The following SLC24A2 variants were observed in gnomAD, a reference collection of about 807,000 sequenced individuals.
SLC24A2 encodes the protein solute carrier family 24 member 2.
SLC24A2 carries 36 observed loss-of-function variants against 62.0 expected under a neutral mutation model. The observed-to-expected ratio is 0.58, with a 90% CI of 0.44 to 0.77. The LOEUF (loss-of-function observed/expected upper bound fraction) is 0.77, where lower values mean the gene tolerates loss of function less well. Among genes scored for constraint, SLC24A2 ranks in the 30% least tolerant of loss-of-function variants. The pLI is 0.00. For synonymous variants in SLC24A2, 358 were observed against 294.0 expected, an observed-to-expected ratio of 1.22 and a Z score of -2.23; for missense variants, 846 against 817.9, an observed-to-expected ratio of 1.03 and a Z score of -0.42.
At chr9:20,205,124 C>T in the SLC24A2 span, among the ~76,000 whole-genome samples, 1 of 152,140 alleles carries the variant, frequency 6.6e-6, no homozygotes, top group African/African-American at 2.4e-5. Flanking sequence ...TAAAAGAATT[C>T]ACAGCATTGC....
the SLC24A2 span, among the ~76,000 whole-genome samples, chr9:20,116,524 G>T: frequency 6.6e-6 from 1 of 152,120 alleles, no homozygotes; most frequent in East Asian, 1.9e-4. Flanking sequence ...TCTCCAATGG[G>T]CTTTCATAGC....
At chr9:19,533,946 T>C (rs1440307741) in intron 8 of SLC24A2, among the ~76,000 whole-genome samples, 2 of 152,218 alleles carry the variant, frequency 1.3e-5, no homozygotes, top group Non-Finnish European at 2.9e-5. Context: ...ACCAATATGC[T>C]TTGTGAATAA....
Position 19,599,369 on chromosome 9 carries a change from C to T in SLC24A2, c.1079-2090G>A, listed in dbSNP as rs904712626. ...TAGGCAGAACATAACAAAAATGAGT[C>T]TAATGATGGTGGAAGAGAAGGAAGA... On this transcript the variant is annotated intron_variant, in intron 4 of 10. Transcript: ENST00000341998. This position sits in a 1 kb window ranked among gnomAD's most constrained non-coding sequence, Gnocchi z 4.5. Among the ~76,000 whole-genome samples, 4 of 151,984 alleles carry T rather than the reference C, an allele frequency of 2.6e-5. No homozygotes were observed. The highest frequency in any genetic ancestry group is 9.7e-5 in the African/African-American group (4 of 41,376).
At chr9:20,163,719 T>C in the SLC24A2 span, among the ~76,000 whole-genome samples, 1 of 152,128 alleles carries the variant, frequency 6.6e-6, no homozygotes, top group Non-Finnish European at 1.5e-5. Context: ...TCATGCTACC[T>C]GACTTCAAAC....
At chr9:19,977,074 A>ACATCTTTG in the SLC24A2 span, among the ~76,000 whole-genome samples, 1 of 151,904 alleles carries the variant, frequency 6.6e-6, no homozygotes, top group Non-Finnish European at 1.5e-5. Context: ...AGTTTTTGTG[A>ACATCTTTG]CATCTTTGAA....
At chr9:20,235,723 A>C in the SLC24A2 span, among the ~76,000 whole-genome samples, 4 of 152,090 alleles carry the variant, frequency 2.6e-5, no homozygotes, top group Admixed American at 2.0e-4. Flanking sequence ...CACACGGTGT[A>C]CTGCACCCAC....
chr9:19,842,452 C>A, the SLC24A2 span, among the ~76,000 whole-genome samples: 3 of 152,140 alleles, frequency 2.0e-5, no homozygotes, highest in East Asian at 5.8e-4. Flanking sequence ...ACGATTTATG[C>A]TTTGAATCAG....
the SLC24A2 span, among the ~76,000 whole-genome samples, chr9:20,153,494 C>A: frequency 6.6e-6 from 1 of 152,038 alleles, no homozygotes; most frequent in African/African-American, 2.4e-5. Flanking sequence ...TCTTTAATTT[C>A]TCTGACCTAG....
the SLC24A2 span, among the ~76,000 whole-genome samples, chr9:19,820,846 A>G: frequency 3.3e-5 from 5 of 152,096 alleles, no homozygotes; most frequent in Admixed American, 2.0e-4. Flanking sequence ...ACATGTTCTC[A>G]GCATATTCCC....
At chr9:19,888,688 G>T in the SLC24A2 span, among the ~76,000 whole-genome samples, 2 of 152,052 alleles carry the variant, frequency 1.3e-5, no homozygotes, top group Admixed American at 6.6e-5. Context: ...ATGATCCTAG[G>T]GGTGTCAGGG....
intron 7 of SLC24A2, among the ~76,000 whole-genome samples, chr9:19,556,508 T>G (rs1388975932): frequency 6.6e-6 from 1 of 152,120 alleles, no homozygotes; most frequent in African/African-American, 2.4e-5. Flanking sequence ...CTAATTCAAG[T>G]TCAGTTTTAT....
At chr9:20,218,586 G>A in the SLC24A2 span, among the ~76,000 whole-genome samples, 1 of 152,062 alleles carries the variant, frequency 6.6e-6, no homozygotes, top group African/African-American at 2.4e-5. Flanking sequence ...TTTATAACAG[G>A]GTAATTGTTG....
the SLC24A2 span, among the ~76,000 whole-genome samples, chr9:19,796,321 C>T: frequency 6.6e-6 from 1 of 152,110 alleles, no homozygotes; most frequent in Non-Finnish European, 1.5e-5. Context: ...CCCAAACTCT[C>T]TGATATAACT....
At chr9:19,716,261 C>A (rs77272963) in intron 2 of SLC24A2, among the ~76,000 whole-genome samples, 2,993 of 152,258 alleles carry the variant, frequency 0.02, 97 homozygotes, top group African/African-American at 0.068. Flanking sequence ...TCACAGTATT[C>A]TACAGTCAAA....
the SLC24A2 span, among the ~76,000 whole-genome samples, chr9:20,083,699 A>C: frequency 6.6e-6 from 1 of 152,202 alleles, no homozygotes; most frequent in Non-Finnish European, 1.5e-5. Flanking sequence ...GTGGCCAGAG[A>C]AAAAAATAAA....
At chr9:20,067,948 A>C in the SLC24A2 span, among the ~76,000 whole-genome samples, 1 of 152,086 alleles carries the variant, frequency 6.6e-6, no homozygotes, top group Non-Finnish European at 1.5e-5. Context: ...TTCTTTGAGA[A>C]ATTTTCAAAC....
At chr9:19,963,634 G>T in the SLC24A2 span, among the ~76,000 whole-genome samples, 1 of 152,166 alleles carries the variant, frequency 6.6e-6, no homozygotes, top group South Asian at 2.1e-4. Flanking sequence ...ACCATCACTG[G>T]CCATCAGAGA....
the SLC24A2 span, among the ~76,000 whole-genome samples, chr9:19,907,159 A>G: frequency 2.0e-5 from 3 of 152,248 alleles, no homozygotes; most frequent in African/African-American, 4.8e-5. Flanking sequence ...CTGGGATGCA[A>G]GGCTGGTTCA....
chr9:19,708,475 T>C lies in SLC24A2; in HGVS notation c.930+77462A>G, dbSNP rs186809581. ...CAACCCCAAGTCAAAAGAACAAAGC[T>C]GGAGCCATCACGCTACCTGACTTCA... On this transcript the variant is annotated intron_variant, in intron 2 of 10. Transcript: ENST00000341998. Among the ~76,000 whole-genome samples, 16 of 152,288 alleles carry C rather than the reference T, an allele frequency of 1.1e-4. 1 individual carries two copies. Among genetic ancestry groups the C allele is most frequent in the African/African-American group, 3.6e-4 (15 of 41,550 alleles).
Sources: allele counts gnomAD v4.1 joint callset (sites outside exome capture counted in the v4.1 genomes callset), GRCh38; gene constraint gnomAD v4.1.1; non-coding constraint Gnocchi (gnomAD v3.1); transcripts MANE v1.5; gene names NCBI Gene and HGNC (gene_info 2026-07-23, HGNC 2026-07-21).